The following NRDE2 variants were observed in gnomAD, a reference collection of about 807,000 sequenced individuals.
The protein encoded by NRDE2 is nuclear exosome regulator NRDE2.
In NRDE2, 76 loss-of-function variants were observed where a neutral mutation model predicts 124.2. The ratio of observed to expected loss-of-function variants is 0.61; its 90% confidence interval spans 0.51 to 0.74. The LOEUF is 0.74. NRDE2 is among the 30% of genes least tolerant of loss of function. NRDE2 has a pLI of 0.00. For missense variants in NRDE2, 1,314 were observed against 1,417.3 expected (o/e 0.93, Z 1.17); for synonymous variants, 489 against 528.1 (o/e 0.93, Z 1.01).
Position 90,288,431 on chromosome 14 carries a change from G to A in NRDE2, c.2944C>T (p.Pro982Ser), listed in dbSNP as rs1892170207. 3 of 1,614,166 alleles carry A rather than the reference G, an allele frequency of 1.9e-6. No individual in the cohort carries two copies. Among genetic ancestry groups the A allele is most frequent in the Non-Finnish European group, 2.5e-6 (3 of 1,180,014 alleles). Residue 982 changes from proline to serine, a missense_variant, in exon 11 of 14, where the codon CCT becomes TCT. By Grantham distance (74) the Pro-to-Ser change is moderately conservative (BLOSUM62 -1). Transcript: ENST00000354366. The stretch of plus-strand genomic sequence containing the variant: ...GCCTGTGAGAGTGCCTCTCGCAGAG[G>A]GGCCAGCGGGTAAACACTCACTTTC... ...HMKVSVYPLA[P>S]LREALSQALK...
In NRDE2 at chr14:90,284,502, A is replaced by G. The variant is rs141067371; in HGVS notation, c.3297+1852T>C. 6.7e-3 allele frequency among the ~76,000 whole-genome samples: 1,012 copies of G among 152,164 alleles called. 6 individuals carry two copies. Among genetic ancestry groups the G allele is most frequent in the African/African-American group, 0.023 (956 of 41,516 alleles). On this transcript the variant is annotated intron_variant, in intron 12 of 13. Transcript: ENST00000354366. Reference sequence around the variant, plus strand: ...TGCCTGAGCCTCCCAAGTAGCTAGGATTACAGATGCCTGCCACCACATCCA... The same window carrying G: ...TGCCTGAGCCTCCCAAGTAGCTAGGGTTACAGATGCCTGCCACCACATCCA...
chr14:90,287,693 A>G (rs1432025031), intron 11 of NRDE2, among the ~76,000 whole-genome samples: 1 of 152,140 alleles, frequency 6.6e-6, no homozygotes, highest in Non-Finnish European at 1.5e-5. Flanking sequence ...GTCACTAGGA[A>G]TGCTGACAGA....
At chr14:90,331,208 T>C (rs2031105845) in intron 1 of NRDE2, among the ~76,000 whole-genome samples, 1 of 152,292 alleles carries the variant, frequency 6.6e-6, no homozygotes, top group African/African-American at 2.4e-5. Context: ...GATTAATTAC[T>C]TCTTAAATGA....
Position 90,268,464 on chromosome 14 carries a change from G to A in NRDE2, c.*9872C>T, listed in dbSNP as rs1468909153. ...CTTGTTTAGTAGGGAACACCGCATAGCTCTTCTCTTGAGAATGAGCAATCT... is the reference window on the plus strand; with the variant it reads ...CTTGTTTAGTAGGGAACACCGCATAACTCTTCTCTTGAGAATGAGCAATCT... On this transcript the variant is annotated 3_prime_UTR_variant, in exon 14 of 14. Coordinates refer to ENST00000354366, the MANE Select transcript of NRDE2 (RefSeq NM_017970.4). The A allele has an allele frequency of 6.4e-7, 1 of 1,564,910 alleles. No homozygotes were observed. The highest frequency in any genetic ancestry group is 8.8e-7 in the Non-Finnish European group (1 of 1,141,618).
Position 90,331,935 on chromosome 14 carries a change from T to C in NRDE2, c.-31A>G, listed in dbSNP as rs117406130. ...CAGGCCGTACCTCCGTTCTTCTCTATAGGGATGGCGCCGGCGAGCGAGCGC... is the reference window on the plus strand; with the variant it reads ...CAGGCCGTACCTCCGTTCTTCTCTACAGGGATGGCGCCGGCGAGCGAGCGC... On this transcript the variant is annotated 5_prime_UTR_variant, in exon 1 of 14. Coordinates refer to ENST00000354366, the MANE Select transcript of NRDE2 (RefSeq NM_017970.4). The C allele has an allele frequency of 7.3e-4, 1,181 of 1,613,258 alleles. 14 individuals are homozygous for C. In the East Asian group the frequency reaches 0.022, roughly 31 times the overall value.
chr14:90,298,512 T>A, intron 7 of NRDE2, 132 bp from the exon 8 acceptor site: 1 of 916,116 alleles, frequency 1.1e-6, no homozygotes, highest in Non-Finnish European at 1.7e-6. Context: ...GTCTTTGAAG[T>A]AGATACATGC....
chr14:90,285,775 G>C (rs534543320), intron 12 of NRDE2, among the ~76,000 whole-genome samples: 20 of 152,094 alleles, frequency 1.3e-4, no homozygotes, highest in African/African-American at 4.6e-4. Context: ...TGGGACCAAA[G>C]GCTCACAGGC....
At chr14:90,286,245 T>A (rs1301769770) in intron 12 of NRDE2, 109 bp downstream of exon 12, 1 of 1,257,990 alleles carries the variant, frequency 7.9e-7, no homozygotes, top group African/African-American at 1.5e-5. Context: ...AAATATGGCC[T>A]CCCAGCTCTC....
rs1491397403 is a variant in NRDE2 at position 90,274,838 on chromosome 14, A to ACACACACCCCCCCC, written c.*3497_*3498insGGGGGGGGTGTGTG. On this transcript the variant is annotated 3_prime_UTR_variant, in exon 14 of 14. Coordinates refer to ENST00000354366, the MANE Select transcript of NRDE2 (RefSeq NM_017970.4). The stretch of plus-strand genomic sequence containing the variant: ...CACACACACACACACACACACACAC[A>ACACACACCCCCCCC]CCCCAATACATATGAATTGATCTGA... 8 of 67,182 alleles carry ACACACACCCCCCCC rather than the reference A, an allele frequency of 1.2e-4. No homozygotes were observed. Among genetic ancestry groups the ACACACACCCCCCCC allele is most frequent in the East Asian group, 3.4e-4 (1 of 2,966 alleles). The allele number at this position is 67,182 out of a possible 1,614,324, so 4.2% of individuals were successfully genotyped here. A position where few individuals can be genotyped will look rare whatever the true frequency, so the allele number is the denominator to read the frequency against.
intron 8 of NRDE2, among the ~76,000 whole-genome samples, chr14:90,297,463 T>C (rs1595063221): frequency 6.6e-6 from 1 of 152,192 alleles, no homozygotes; most frequent in South Asian, 2.1e-4. Context: ...TATATTTCTA[T>C]TGGGCAGCTC....
chr14:90,321,608 T>C (rs151224769), intron 1 of NRDE2, among the ~76,000 whole-genome samples: 147 of 150,084 alleles, frequency 9.8e-4, no homozygotes, highest in Middle Eastern at 3.5e-3. Flanking sequence ...GTTTTGAACA[T>C]GAATCATCAT....
intron 7 of NRDE2, among the ~76,000 whole-genome samples, chr14:90,299,339 C>A (rs542217071): frequency 6.6e-6 from 1 of 152,138 alleles, no homozygotes; most frequent in Non-Finnish European, 1.5e-5. Flanking sequence ...TAAACCACCG[C>A]GCCCAGCCTA....
Position 90,271,045 on chromosome 14 carries a change from T to C in NRDE2, c.*7291A>G, listed in dbSNP as rs985829286. ...TAAAATCTATCTTCTTTTTTAAAAA[T>C]TGAAAGATCTTAAAATTTTAAGATA... On this transcript the variant is annotated 3_prime_UTR_variant, in exon 14 of 14. Transcript: ENST00000354366. 14 of 100,180 alleles carry C rather than the reference T, an allele frequency of 1.4e-4. No homozygotes were observed. Among genetic ancestry groups the C allele is most frequent in the African/African-American group, 3.5e-4 (12 of 34,330 alleles). The allele number at this position is 100,180 out of a possible 1,614,324, so 6.2% of individuals were successfully genotyped here. A position where few individuals can be genotyped will look rare whatever the true frequency, so the allele number is the denominator to read the frequency against.
At chr14:90,329,982 G>A (rs1405027794) in intron 1 of NRDE2, among the ~76,000 whole-genome samples, 5 of 151,802 alleles carry the variant, frequency 3.3e-5, no homozygotes, top group African/African-American at 9.7e-5. Flanking sequence ...TATGGTGGGC[G>A]AATCACTTAA....
intron 12 of NRDE2, chr14:90,280,766 C>T (rs1891932243): frequency 6.6e-6 from 1 of 152,368 alleles, no homozygotes; most frequent in African/African-American, 2.4e-5. Context: ...CCTTTCTCAT[C>T]TTCTGAACTG....
At chr14:90,314,940 C>T (rs867261760) in intron 3 of NRDE2, among the ~76,000 whole-genome samples, 16 of 151,816 alleles carry the variant, frequency 1.1e-4, no homozygotes, top group Admixed American at 5.3e-4. Context: ...GAGGCAGAGG[C>T]GGGTGGATTA....
At chr14:90,319,343 C>G (rs1885161269) in intron 1 of NRDE2, among the ~76,000 whole-genome samples, 1 of 152,070 alleles carries the variant, frequency 6.6e-6, no homozygotes, top group African/African-American at 2.4e-5. Flanking sequence ...AATTTACATA[C>G]CATAACTCAG....
chr14:90,270,386 A>T lies in NRDE2; in HGVS notation c.*7950T>A, dbSNP rs1210242943. On this transcript the variant is annotated 3_prime_UTR_variant, in exon 14 of 14. Coordinates refer to ENST00000354366, the MANE Select transcript of NRDE2 (RefSeq NM_017970.4). ...CTAGCCGTGTCAGCTTATTTCTGGG[A>T]ATGTGGCCGTCAATCAGGAAAGAGT... The T allele has an allele frequency of 6.3e-7, 1 of 1,596,642 alleles. No individual in the cohort carries two copies. Among genetic ancestry groups the T allele is most frequent in the Admixed American group, 1.7e-5 (1 of 58,596 alleles).
chr14:90,299,839 G>C (rs1884328916), intron 7 of NRDE2, among the ~76,000 whole-genome samples: 1 of 152,268 alleles, frequency 6.6e-6, no homozygotes, highest in South Asian at 2.1e-4. Flanking sequence ...TGATAAATGA[G>C]TATAATCTAT....
Sources: gnomAD v4.1 joint callset for allele counts (sites outside exome capture counted in the v4.1 genomes callset) on GRCh38, gnomAD v4.1.1 for gene constraint, MANE v1.5 for transcripts, NCBI Gene and HGNC (gene_info 2026-07-23, HGNC 2026-07-21) for gene names.